The following NSMCE2 variants were observed in gnomAD, a reference collection of about 807,000 sequenced individuals.
NSMCE2 encodes the protein NSE2 SUMO ligase component of SMC5/6 complex, also known as E3 SUMO-protein ligase NSE2.
In NSMCE2, 24 loss-of-function variants were observed where a neutral mutation model predicts 23.8. The ratio of observed to expected loss-of-function variants is 1.01; its 90% CI spans 0.73 to 1.42. NSMCE2 has a LOEUF of 1.42. Among genes scored for constraint, NSMCE2 ranks in the 40% most tolerant of loss-of-function variants. The pLI, the probability that NSMCE2 is intolerant of heterozygous loss-of-function variation, is 0.00. For missense variants in NSMCE2, 284 were observed against 296.5 expected, an observed-to-expected ratio of 0.96 and a Z score of 0.31; for synonymous variants, 92 against 94.1, an observed-to-expected ratio of 0.98 and a Z score of 0.13.
intron 5 of NSMCE2, among the ~76,000 whole-genome samples, chr8:125,303,809 T>C (rs1245779577): frequency 1.3e-5 from 2 of 152,220 alleles, no homozygotes; most frequent in East Asian, 3.8e-4. Flanking sequence ...TCAGCTTCCC[T>C]ATTGCTCTCA....
intron 4 of NSMCE2, among the ~76,000 whole-genome samples, chr8:125,167,571 G>A (rs1010534277): frequency 1.3e-5 from 2 of 152,014 alleles, no homozygotes; most frequent in African/African-American, 4.8e-5. Context: ...GGAGGCGTAG[G>A]TTGCAGTGAG....
chr8:125,326,174 G>A (rs919539693), intron 5 of NSMCE2, among the ~76,000 whole-genome samples: 2 of 149,478 alleles, frequency 1.3e-5, no homozygotes, highest in Admixed American at 6.6e-5. Context: ...GGAGAATGGC[G>A]TGAACCCGAG....
chr8:125,094,842 C>CCTTTT (rs201429577), intron 1 of NSMCE2, among the ~76,000 whole-genome samples: 7 of 152,108 alleles, frequency 4.6e-5, no homozygotes, highest in Admixed American at 3.9e-4. Context: ...GGCGTCTCTT[C>CCTTTT]CTTTTCTTTT....
intron 5 of NSMCE2, among the ~76,000 whole-genome samples, chr8:125,188,889 G>A (rs1823224702): frequency 6.6e-6 from 1 of 152,192 alleles, no homozygotes; most frequent in African/African-American, 2.4e-5. Flanking sequence ...GGTGAACAGT[G>A]TGGTTCTAGA....
chr8:125,332,560 C>G (rs1031080725), intron 5 of NSMCE2, among the ~76,000 whole-genome samples: 1 of 152,218 alleles, frequency 6.6e-6, no homozygotes, highest in African/African-American at 2.4e-5. Flanking sequence ...CCTCATATTA[C>G]AAAACAAACA....
At chr8:125,218,767 T>C (rs1344749619) in intron 5 of NSMCE2, among the ~76,000 whole-genome samples, 1 of 152,162 alleles carries the variant, frequency 6.6e-6, no homozygotes, top group Non-Finnish European at 1.5e-5. Context: ...TTTTACTAGA[T>C]AAAGTTTTAG....
chr8:125,144,045 AAG>A (rs1286961944), intron 3 of NSMCE2, among the ~76,000 whole-genome samples: 10 of 152,158 alleles, frequency 6.6e-5, no homozygotes, highest in Non-Finnish European at 1.3e-4. Context: ...TGATAGGGAA[AAG>A]AGGGGGGGAA....
intron 5 of NSMCE2, among the ~76,000 whole-genome samples, chr8:125,294,137 T>C (rs1828231753): frequency 6.6e-6 from 1 of 152,224 alleles, no homozygotes; most frequent in Non-Finnish European, 1.5e-5. Context: ...TGTATCACTA[T>C]TTCATTCCTT....
At position 125,270,177 on chromosome 8, in the gene NSMCE2, T is replaced by A. The variant is rs552993533; in HGVS notation, c.419-87042T>A. On this transcript the variant is annotated intron_variant, in intron 5 of 7. Transcript: ENST00000287437. ...CATCCTTATATGACTTACTAAAGAA[T>A]CTGAAAGGTCCAGGTGCGGTGACTC... Among the ~76,000 whole-genome samples the A allele has an allele frequency of 5.9e-5, 9 of 152,120 alleles. No individual in the cohort carries two copies. In the South Asian group the frequency reaches 1.9e-3, roughly 32 times the overall value.
chr8:125,230,370 G>A (rs1586644165), intron 5 of NSMCE2, among the ~76,000 whole-genome samples: 1 of 152,112 alleles, frequency 6.6e-6, no homozygotes, highest in Non-Finnish European at 1.5e-5. Context: ...AAGACACAAG[G>A]GCTGATTGGT....
At chr8:125,211,509 G>A (rs1329514591) in intron 5 of NSMCE2, among the ~76,000 whole-genome samples, 1 of 152,194 alleles carries the variant, frequency 6.6e-6, no homozygotes, top group African/African-American at 2.4e-5. Context: ...GGGCTTAGTA[G>A]TTATTCTGTG....
chr8:125,362,506 G>T (rs150005488), intron 7 of NSMCE2, among the ~76,000 whole-genome samples: 11 of 152,304 alleles, frequency 7.2e-5, no homozygotes, highest in African/African-American at 2.6e-4. Flanking sequence ...GGCAGGGACT[G>T]GTGCACGGCA....
intron 5 of NSMCE2, among the ~76,000 whole-genome samples, chr8:125,186,779 A>G (rs1823129048): frequency 6.6e-6 from 1 of 152,212 alleles, no homozygotes; most frequent in African/African-American, 2.4e-5. Context: ...TAACAGTGGG[A>G]AAGGAGAGGG....
intron 3 of NSMCE2, among the ~76,000 whole-genome samples, chr8:125,114,470 A>G (rs1391773832): frequency 6.6e-6 from 1 of 152,328 alleles, no homozygotes; most frequent in Middle Eastern, 3.4e-3. Flanking sequence ...TTCATGGATT[A>G]TATATGCACT....
intron 5 of NSMCE2, among the ~76,000 whole-genome samples, chr8:125,227,206 TGA>T (rs1235997715): frequency 6.6e-6 from 1 of 152,058 alleles, no homozygotes; most frequent in Non-Finnish European, 1.5e-5. Flanking sequence ...CCACAAGACA[TGA>T]GAAGCAGGAG....
At chr8:125,237,184 A>C (rs542118760) in intron 5 of NSMCE2, among the ~76,000 whole-genome samples, 1 of 152,300 alleles carries the variant, frequency 6.6e-6, no homozygotes, top group East Asian at 1.9e-4. Context: ...GGGACATGAA[A>C]TTACCCCCTG....
chr8:125,343,153 C>T (rs1231686161), intron 5 of NSMCE2, among the ~76,000 whole-genome samples: 1 of 152,034 alleles, frequency 6.6e-6, no homozygotes, highest in Non-Finnish European at 1.5e-5. Context: ...TCCTATGGGG[C>T]GACATATTTG....
chr8:125,136,484 T>G (rs1321487354), intron 3 of NSMCE2, among the ~76,000 whole-genome samples: 1 of 152,162 alleles, frequency 6.6e-6, no homozygotes, highest in Non-Finnish European at 1.5e-5. Context: ...TATAGTTTGG[T>G]TCTGTTTGGT....
At chr8:125,106,790 G>A (rs752663621) in intron 3 of NSMCE2, among the ~76,000 whole-genome samples, 1 of 151,924 alleles carries the variant, frequency 6.6e-6, no homozygotes, top group African/African-American at 2.4e-5. Context: ...GAGTTCAGGA[G>A]TTGGAGACCA....
Sources: allele counts gnomAD v4.1 joint callset (sites outside exome capture counted in the v4.1 genomes callset), GRCh38; gene constraint gnomAD v4.1.1; transcripts MANE v1.5; gene names NCBI Gene and HGNC (gene_info 2026-07-23, HGNC 2026-07-21).